Variants in LOC112694756 observed in about 807,000 individuals in gnomAD.
the LOC112694756 span, chr16:30,070,163 C>G: frequency 6.2e-7 from 1 of 1,614,154 alleles, no homozygotes; most frequent in Non-Finnish European, 8.5e-7. Flanking sequence ...AGCGGTCAGG[C>G]TGGGGCTGCT....
chr16:30,069,017 A>G, the LOC112694756 span: 1 of 1,613,568 alleles, frequency 6.2e-7, no homozygotes. Flanking sequence ...CTCCTACCTC[A>G]TTTGGTTCCA....
chr16:30,069,643 C>A, the LOC112694756 span: 4 of 1,613,854 alleles, frequency 2.5e-6, no homozygotes, highest in Non-Finnish European at 3.4e-6. Context: ...CGTCACAGCG[C>A]TGCGCCGCAC....
the LOC112694756 span, chr16:30,063,789 C>T: frequency 5.0e-6 from 2 of 399,328 alleles, no homozygotes; most frequent in East Asian, 3.6e-5. Flanking sequence ...TACGTGCCAG[C>T]TCCCCGACTG....
the LOC112694756 span, chr16:30,064,572 G>A: frequency 2.5e-6 from 1 of 398,626 alleles, no homozygotes; most frequent in Non-Finnish European, 4.4e-6. Context: ...CTTCCCCCAT[G>A]CCGGGCCCCA....
chr16:30,069,937 G>T, the LOC112694756 span: 1 of 1,614,048 alleles, frequency 6.2e-7, no homozygotes, highest in South Asian at 1.1e-5. Flanking sequence ...CTTCTCCTAC[G>T]GCCGAGCCCT....
chr16:30,058,829 T>A, the LOC112694756 span: 1 of 392,064 alleles, frequency 2.6e-6, no homozygotes, highest in Non-Finnish European at 4.5e-6. Context: ...ATTCATTCAT[T>A]CATTCATTCA....
At chr16:30,064,158 A>G in the LOC112694756 span, 8 of 395,460 alleles carry the variant, frequency 2.0e-5, no homozygotes, top group African/African-American at 8.2e-5. Flanking sequence ...ACCACACACA[A>G]GTGTTATAGG....
At chr16:30,066,369 CTT>C in the LOC112694756 span, 1 of 153,190 alleles carries the variant, frequency 6.5e-6, no homozygotes, top group Non-Finnish European at 1.5e-5. Flanking sequence ...CCCCTTAACA[CTT>C]TCCCTGTCTC....
chr16:30,069,725 A>G, the LOC112694756 span: 1 of 1,611,772 alleles, frequency 6.2e-7, no homozygotes, highest in East Asian at 2.2e-5. Flanking sequence ...CTCCACCCAC[A>G]ACCCTATGCC....
At chr16:30,069,095 C>G in the LOC112694756 span, 1 of 1,514,206 alleles carries the variant, frequency 6.6e-7, no homozygotes, top group African/African-American at 1.4e-5. Context: ...AGCTTTGGCC[C>G]GTGGAGGACA....
chr16:30,063,993 C>G, the LOC112694756 span: 10 of 398,720 alleles, frequency 2.5e-5, no homozygotes, highest in Admixed American at 3.1e-4. Context: ...CAGGGCCTGG[C>G]TCCCTGCAGG....
the LOC112694756 span, chr16:30,068,740 G>T: frequency 1.2e-6 from 2 of 1,614,028 alleles, no homozygotes; most frequent in Admixed American, 3.3e-5. Flanking sequence ...AACCCAACCA[G>T]AGCAGGTTTG....
the LOC112694756 span, chr16:30,070,097 C>T: frequency 1.9e-6 from 3 of 1,613,806 alleles, no homozygotes; most frequent in Non-Finnish European, 2.5e-6. Context: ...CCTTCTCACT[C>T]CACCCCTCTC....
the LOC112694756 span, chr16:30,069,508 G>A: frequency 6.2e-7 from 1 of 1,614,078 alleles, no homozygotes. Flanking sequence ...GGTGCTGGCT[G>A]CTGTCTACAA....
At chr16:30,068,089 G>C in the LOC112694756 span, 1 of 223,636 alleles carries the variant, frequency 4.5e-6, no homozygotes, top group Non-Finnish European at 8.8e-6. Flanking sequence ...TTTTGAGATG[G>C]AGTCTCGCTG....
the LOC112694756 span, chr16:30,055,375 T>A: frequency 6.0e-5 from 24 of 399,002 alleles, no homozygotes; most frequent in South Asian, 2.8e-3. Context: ...GATCTAGGTA[T>A]GATCGGTGCA....
chr16:30,060,123 C>T, the LOC112694756 span, among the ~76,000 whole-genome samples: 3 of 151,982 alleles, frequency 2.0e-5, no homozygotes, highest in Non-Finnish European at 2.9e-5. Context: ...GGACCACAGG[C>T]GTGCGCCACC....
chr16:30,062,843 A>G, the LOC112694756 span, among the ~76,000 whole-genome samples: 26 of 134,640 alleles, frequency 1.9e-4, no homozygotes, highest in East Asian at 8.5e-4. Flanking sequence ...TCCATCTCGG[A>G]AAAAAAAAAA....
At chr16:30,060,798 C>G in the LOC112694756 span, among the ~76,000 whole-genome samples, 1 of 152,142 alleles carries the variant, frequency 6.6e-6, no homozygotes, top group Non-Finnish European at 1.5e-5. Flanking sequence ...AATCACTTCT[C>G]TCTCCCCCTT....
Sources: gnomAD v4.1 joint callset for allele counts (sites outside exome capture counted in the v4.1 genomes callset) on GRCh38, gnomAD v4.1.1 for gene constraint, MANE v1.5 for transcripts.